LRRC49: variants seen among roughly 807,000 people sequenced by gnomAD.
LRRC49 encodes the protein leucine-rich repeat-containing protein 49.
Under a neutral mutation model 83.3 loss-of-function variants are expected in LRRC49, and 50 were observed. The ratio of observed to expected loss-of-function variants is 0.60; its 90% CI spans 0.48 to 0.76. The LOEUF (loss-of-function observed/expected upper bound fraction) is 0.76. Ranked by LOEUF, LRRC49 falls within the 30% of genes least tolerant of loss-of-function variation. The probability of loss-of-function intolerance (pLI) is 0.00; values close to 1 mark genes in which losing one functional copy is unlikely to be tolerated. For missense variants in LRRC49, 704 were observed against 809.1 expected (o/e 0.87, Z 1.58); for synonymous variants, 286 against 283.3 (o/e 1.01, Z -0.10).
At position 70,884,301 on chromosome 15, in the gene LRRC49, G is replaced by A. The variant is rs143183931; in HGVS notation, c.19-9283G>A. ...GCCTCCCAGCACTTCGGGAGGCTGA[G>A]GCAGGAAGATCACTTGAGGTCAGGA... On this transcript the variant is annotated intron_variant, in intron 2 of 16. Transcript: ENST00000544974. Among the ~76,000 whole-genome samples, 26 of 152,232 alleles carry A rather than the reference G, an allele frequency of 1.7e-4. No individual in the cohort carries two copies. In the East Asian group the frequency reaches 5.0e-3, roughly 29 times the overall value.
At chr15:70,932,149 A>C (rs1032203154) in intron 7 of LRRC49, among the ~76,000 whole-genome samples, 1 of 152,226 alleles carries the variant, frequency 6.6e-6, no homozygotes, top group African/African-American at 2.4e-5. Context: ...ACTGATATCT[A>C]TTGCTGTGTA....
upstream of LRRC49, among the ~76,000 whole-genome samples, chr15:70,891,567 CTGTGTG>C (rs3220843): frequency 0.028 from 3,791 of 137,022 alleles, 63 homozygotes; most frequent in South Asian, 0.035. Context: ...GGACAAGACT[CTGTGTG>C]TGTGTGTGTG....
At chr15:70,892,985 C>G in intron 1 of LRRC49, 43 bp downstream of exon 1, 1 of 1,603,714 alleles carries the variant, frequency 6.2e-7, no homozygotes, top group Non-Finnish European at 8.5e-7. Context: ...CACTGGTACT[C>G]TTTCTGACTG....
At chr15:70,891,502 C>G (rs559924742), upstream of LRRC49, among the ~76,000 whole-genome samples, 4 of 151,772 alleles carry the variant, frequency 2.6e-5, no homozygotes, top group Non-Finnish European at 5.9e-5. Context: ...TCAAATTAAA[C>G]CCTTTCTATT....
At chr15:71,002,939 CTTTTTTT>C (rs35998597) in intron 11 of LRRC49, among the ~76,000 whole-genome samples, 2 of 43,024 alleles carry the variant, frequency 4.6e-5, no homozygotes, top group African/African-American at 2.1e-4. Flanking sequence ...ATTTTCTGGC[CTTTTTTT>C]TTTTTTTTTT....
upstream of LRRC49, among the ~76,000 whole-genome samples, chr15:70,890,099 G>T (rs375626002): frequency 6.6e-6 from 1 of 152,110 alleles, no homozygotes; most frequent in Non-Finnish European, 1.5e-5. Context: ...GTTTCCCAAC[G>T]GTTAGTTTTT....
chr15:71,034,676 T>G (rs1452723123), intron 14 of LRRC49, among the ~76,000 whole-genome samples: 3 of 152,086 alleles, frequency 2.0e-5, no homozygotes, highest in Non-Finnish European at 2.9e-5. Context: ...GGTATGGATA[T>G]GCCATGGAAT....
chr15:70,870,651 C>T (rs1332969058), intron 1 of LRRC49, among the ~76,000 whole-genome samples: 1 of 152,114 alleles, frequency 6.6e-6, no homozygotes, highest in Non-Finnish European at 1.5e-5. Context: ...CCACCACGCC[C>T]AGCTAATTTT....
At chr15:71,036,755 G>T (rs2039532254) in intron 14 of LRRC49, among the ~76,000 whole-genome samples, 1 of 152,160 alleles carries the variant, frequency 6.6e-6, no homozygotes, top group Non-Finnish European at 1.5e-5. Context: ...CTAGCTATCA[G>T]TAATATTGCC....
At chr15:70,904,045 G>C (rs936025604) in intron 4 of LRRC49, among the ~76,000 whole-genome samples, 2 of 151,852 alleles carry the variant, frequency 1.3e-5, no homozygotes, top group South Asian at 4.2e-4. Context: ...TAATCAAAGT[G>C]AACTCTAGAT....
At chr15:70,860,256 AC>A in intron 1 of LRRC49, 1 of 593,294 alleles carries the variant, frequency 1.7e-6, no homozygotes, top group South Asian at 2.0e-5. Context: ...GGAACAGGAG[AC>A]CCACCTGAGG....
chr15:70,894,265 T>G (rs572186630), intron 2 of LRRC49, among the ~76,000 whole-genome samples: 5 of 151,896 alleles, frequency 3.3e-5, no homozygotes, highest in South Asian at 2.1e-4. Flanking sequence ...ATTGGGGAGG[T>G]TTTTTTTCTT....
intron 1 of LRRC49, among the ~76,000 whole-genome samples, chr15:70,866,143 T>C (rs2032905766): frequency 6.6e-6 from 1 of 150,846 alleles, no homozygotes; most frequent in South Asian, 2.1e-4. Context: ...TTTATTTATT[T>C]ATTTATTTAT....
At chr15:70,888,205 T>C (rs556698549), upstream of LRRC49, among the ~76,000 whole-genome samples, 2 of 152,244 alleles carry the variant, frequency 1.3e-5, no homozygotes, top group East Asian at 1.9e-4. Flanking sequence ...TCTAGAAATC[T>C]AAAGAGCCCA....
At chr15:70,951,200 C>T (rs970295193) in intron 8 of LRRC49, among the ~76,000 whole-genome samples, 6 of 152,064 alleles carry the variant, frequency 3.9e-5, no homozygotes, top group African/African-American at 1.4e-4. Context: ...TGTTATGCCT[C>T]TGGATTCATT....
At chr15:70,926,419 T>A (rs978878135) in intron 7 of LRRC49, among the ~76,000 whole-genome samples, 1 of 152,118 alleles carries the variant, frequency 6.6e-6, no homozygotes, top group Non-Finnish European at 1.5e-5. Flanking sequence ...GGACAAATGC[T>A]CTCATTTCTC....
chr15:70,872,360 G>C lies in LRRC49; in HGVS notation c.-298-548G>C, dbSNP rs770701883. 3.2e-4 allele frequency among the ~76,000 whole-genome samples: 49 copies of C among 151,888 alleles called. 1 individual carries two copies. The highest frequency in any genetic ancestry group is 6.5e-4 in the Non-Finnish European group (44 of 67,980). Reference sequence around the variant, plus strand: ...GATTGCGGCAGCACAGTCTAGCCTCGGCTCGGCATCAGAGGGAGACCGCGG... The same window carrying C: ...GATTGCGGCAGCACAGTCTAGCCTCCGCTCGGCATCAGAGGGAGACCGCGG... On this transcript the variant is annotated intron_variant, in intron 1 of 16. Coordinates refer to the LRRC49 transcript ENST00000544974.
At chr15:70,962,535 G>A (rs555266877) in intron 8 of LRRC49, among the ~76,000 whole-genome samples, 2 of 151,968 alleles carry the variant, frequency 1.3e-5, no homozygotes, top group South Asian at 4.2e-4. Context: ...CCGATTCTAG[G>A]ACCAGGACCG....
At chr15:70,979,958 AC>A (rs1418422246) in intron 9 of LRRC49, 142 bp from the exon 10 acceptor site, 13 of 522,190 alleles carry the variant, frequency 2.5e-5, no homozygotes, top group Non-Finnish European at 4.1e-5. Flanking sequence ...AGAGAAACAT[AC>A]TAAATTTTTC....
Sources: gnomAD v4.1 joint callset for allele counts (sites outside exome capture counted in the v4.1 genomes callset) on GRCh38, gnomAD v4.1.1 for gene constraint, MANE v1.5 for transcripts, NCBI Gene and HGNC (gene_info 2026-07-23, HGNC 2026-07-21) for gene names.